STK31: variants seen among roughly 807,000 people sequenced by gnomAD.
STK31 encodes serine/threonine-protein kinase 31.
In STK31, 89 loss-of-function variants were observed where a neutral mutation model predicts 129.7. The observed-to-expected ratio is 0.69, with a 90% CI of 0.58 to 0.82. The LOEUF is 0.82. Among genes scored for constraint, STK31 ranks in the 40% least tolerant of loss-of-function variants. The pLI is 0.00. For missense variants in STK31, 1,187 were observed against 1,176.4 expected (o/e 1.01, Z -0.13); for synonymous variants, 448 against 395.3 (o/e 1.13, Z -1.58).
chr7:23,710,373 G>A (rs1441330662), intron 1 of STK31, 38 bp downstream of exon 1: 3 of 1,613,092 alleles, frequency 1.9e-6, no homozygotes, highest in Non-Finnish European at 2.5e-6. Context: ...AGTGGTGGCC[G>A]CTTCAAGGAC....
chr7:23,764,131 A>G (rs1051323950), intron 11 of STK31, among the ~76,000 whole-genome samples: 1 of 152,228 alleles, frequency 6.6e-6, no homozygotes, highest in Admixed American at 6.5e-5. Context: ...TTGGAATTGC[A>G]TAAATAGTAT....
chr7:23,736,915 C>T lies in STK31; in HGVS notation c.854C>T (p.Ala285Val). 1 of 1,601,938 alleles carries T rather than the reference C, an allele frequency of 6.2e-7. No homozygotes were observed. The highest frequency in any genetic ancestry group is 8.5e-7 in the Non-Finnish European group (1 of 1,175,478). Residue 285 changes from alanine (A) to valine (V), a missense_variant, in exon 8 of 24, where the codon GCT becomes GTT. This residue lies in a region of STK31 where 975 missense variants were observed against 934.9 expected (regional missense o/e 1.04). Coordinates refer to ENST00000355870, the MANE Select transcript of STK31 (RefSeq NM_031414.5). ...ATTTGTTTTTATAGGGAAAGTTTGGCTGTTGGTGACTTTAATTTAGGGTCT... is the reference window on the plus strand; with the variant it reads ...ATTTGTTTTTATAGGGAAAGTTTGGTTGTTGGTGACTTTAATTTAGGGTCT... ...NLITFPKESL[A>V]VGDFNLGSNV...
intron 23 of STK31, among the ~76,000 whole-genome samples, chr7:23,822,131 G>C (rs1793821167): frequency 6.6e-6 from 1 of 151,858 alleles, no homozygotes; most frequent in Non-Finnish European, 1.5e-5. Context: ...CTCTTTTTTA[G>C]TTCTACATGA....
intron 15 of STK31, among the ~76,000 whole-genome samples, chr7:23,780,123 G>A (rs73082932): frequency 0.054 from 8,181 of 152,138 alleles, 277 homozygotes; most frequent in East Asian, 0.12. Context: ...TCCTGGGTGA[G>A]GTGACTCCCC....
At chr7:23,813,858 T>G (rs1340535482) in intron 22 of STK31, among the ~76,000 whole-genome samples, 2 of 152,054 alleles carry the variant, frequency 1.3e-5, no homozygotes, top group Admixed American at 6.6e-5. Flanking sequence ...ATCCCCCTAC[T>G]TATGGGTGTC....
At chr7:23,780,111 C>T (rs1050385822) in intron 15 of STK31, among the ~76,000 whole-genome samples, 5 of 152,288 alleles carry the variant, frequency 3.3e-5, no homozygotes, top group South Asian at 2.1e-4. Context: ...GCCCCTTGCA[C>T]TTCCTGGGTG....
chr7:23,777,197 A>G (rs760396771), intron 15 of STK31, among the ~76,000 whole-genome samples: 13 of 152,080 alleles, frequency 8.5e-5, no homozygotes, highest in Non-Finnish European at 1.8e-4. Context: ...CTTGTTTGTT[A>G]TGATTTCTGT....
At chr7:23,737,521 T>C (rs1037495763) in intron 8 of STK31, among the ~76,000 whole-genome samples, 2 of 152,148 alleles carry the variant, frequency 1.3e-5, no homozygotes, top group African/African-American at 4.8e-5. Flanking sequence ...AAAAGGACTT[T>C]AAAAAACCGT....
chr7:23,778,747 G>C (rs1790717103), intron 15 of STK31, among the ~76,000 whole-genome samples: 3 of 151,808 alleles, frequency 2.0e-5, no homozygotes, highest in East Asian at 3.9e-4. Flanking sequence ...CTTTTTTCAA[G>C]GTTCTTAGCT....
intron 11 of STK31, among the ~76,000 whole-genome samples, chr7:23,763,565 A>C (rs1291937180): frequency 1.3e-5 from 2 of 151,796 alleles, no homozygotes; most frequent in East Asian, 3.9e-4. Context: ...TTCTTCATTT[A>C]ACTTTTATTT....
At chr7:23,809,892 T>G (rs1404252414) in intron 22 of STK31, among the ~76,000 whole-genome samples, 1 of 152,182 alleles carries the variant, frequency 6.6e-6, no homozygotes, top group East Asian at 1.9e-4. Context: ...GTAAGTACAT[T>G]TGTTATGATG....
chr7:23,710,180 G>A (rs931076732), upstream of STK31: 2 of 1,581,120 alleles, frequency 1.3e-6, no homozygotes, highest in South Asian at 2.3e-5. Context: ...ACCGGATGAT[G>A]GCGCAGCGCT....
chr7:23,720,797 C>G (rs1328020931), intron 4 of STK31, among the ~76,000 whole-genome samples: 1 of 152,076 alleles, frequency 6.6e-6, no homozygotes, highest in East Asian at 1.9e-4. Context: ...ATATCTTGTA[C>G]AGTTTTGTAC....
chr7:23,825,875 G>A (rs1167264867), intron 23 of STK31, among the ~76,000 whole-genome samples: 2 of 152,164 alleles, frequency 1.3e-5, no homozygotes, highest in South Asian at 2.1e-4. Flanking sequence ...TCATTCAGGA[G>A]CAGGTTGTTC....
chr7:23,724,534 T>G (rs375951008), intron 4 of STK31, among the ~76,000 whole-genome samples: 13 of 152,218 alleles, frequency 8.5e-5, no homozygotes, highest in Non-Finnish European at 1.8e-4. Context: ...CAGCCCTGCC[T>G]CACCTGGTTT....
At chr7:23,824,932 A>C (rs541567702) in intron 23 of STK31, among the ~76,000 whole-genome samples, 1 of 152,260 alleles carries the variant, frequency 6.6e-6, no homozygotes, top group African/African-American at 2.4e-5. Context: ...CCAGCCTTGC[A>C]TCCCAGGGAT....
chr7:23,768,688 A>G (rs1467297513), intron 11 of STK31, among the ~76,000 whole-genome samples: 1 of 152,222 alleles, frequency 6.6e-6, no homozygotes, highest in African/African-American at 2.4e-5. Context: ...TTACTCTTGT[A>G]CTTAATAAAT....
chr7:23,824,198 AT>A (rs1339139566), intron 23 of STK31, among the ~76,000 whole-genome samples: 1 of 152,032 alleles, frequency 6.6e-6, no homozygotes, highest in African/African-American at 2.4e-5. Context: ...CAGTATGGCC[AT>A]TTTCTCGATA....
At chr7:23,808,970 T>TGTGTGTGTGTGTGTGTGTGTGCGCGCGC (rs60631283) in intron 22 of STK31, among the ~76,000 whole-genome samples, 5 of 139,552 alleles carry the variant, frequency 3.6e-5, no homozygotes, top group African/African-American at 1.1e-4. Flanking sequence ...TGTGTGTGTG[T>TGTGTGTGTGTGTGTGTGTGTGCGCGCGC]GCCTGTGTCT....
Sources: gnomAD v4.1 joint callset for allele counts (sites outside exome capture counted in the v4.1 genomes callset) on GRCh38, gnomAD v4.1.1 for gene constraint, gnomAD v4.1.1 regional missense constraint, MANE v1.5 for transcripts, NCBI Gene and HGNC (gene_info 2026-07-23, HGNC 2026-07-21) for gene names.